CNTN6: variants seen among roughly 807,000 people sequenced by gnomAD.
The protein encoded by CNTN6 is contactin 6.
Under a neutral mutation model 122.8 loss-of-function variants are expected in CNTN6, and 137 were observed. The ratio of observed to expected loss-of-function variants is 1.12; its 90% confidence interval spans 0.97 to 1.29. The LOEUF (loss-of-function observed/expected upper bound fraction) is 1.29. CNTN6 is among the 50% of genes most tolerant of loss of function. The pLI, the probability that CNTN6 is intolerant of heterozygous loss-of-function variation, is 0.00. For synonymous variants in CNTN6, 570 were observed against 426.0 expected (o/e 1.34, Z -4.16); for missense variants, 1,634 against 1,223.4 (o/e 1.34, Z -5.01).
At chr3:1,399,022 C>T (rs961713068) in intron 20 of CNTN6, among the ~76,000 whole-genome samples, 1 of 152,062 alleles carries the variant, frequency 6.6e-6, no homozygotes, top group African/African-American at 2.4e-5. Context: ...ATTCTGTCTC[C>T]TAGCCAGTTG....
chr3:1,157,691 C>T lies in CNTN6; in HGVS notation c.55+9628C>T, dbSNP rs548346836. Among the ~76,000 whole-genome samples the T allele has an allele frequency of 1.1e-4, 17 of 152,042 alleles. No homozygotes were observed. In the East Asian group the frequency reaches 3.1e-3, roughly 28 times the overall value. ...AGCCTCTAGTAACCATCCTTCTACTCTCTATCTCCATGAGTTCAATTGTTT... is the reference window on the plus strand; with the variant it reads ...AGCCTCTAGTAACCATCCTTCTACTTTCTATCTCCATGAGTTCAATTGTTT... On this transcript the variant is annotated intron_variant, in intron 2 of 22. Transcript: ENST00000446702.
Position 1,352,417 on chromosome 3 carries a change from C to A in CNTN6, c.1458C>A (p.Gly486=), listed in dbSNP as rs771381392. 2 of 1,609,298 alleles carry A rather than the reference C, an allele frequency of 1.2e-6. No individual in the cohort carries two copies. Among genetic ancestry groups the A allele is most frequent in the African/African-American group, 2.7e-5 (2 of 74,572 alleles). The change falls in exon 12 of 23, where the codon GGC becomes GGA. Residue 486 remains glycine (G), a synonymous_variant. Transcript: ENST00000446702. ...SYTCIATNQF[G]TAKNTGSLIV... Reference sequence around the variant, plus strand: ...CATGCATAGCCACAAATCAGTTTGGCACTGCAAAGAACACTGGCAGCCTCA... The same window carrying A: ...CATGCATAGCCACAAATCAGTTTGGAACTGCAAAGAACACTGGCAGCCTCA...
intron 2 of CNTN6, among the ~76,000 whole-genome samples, chr3:1,190,836 G>T (rs2093691501): frequency 6.6e-6 from 1 of 152,124 alleles, no homozygotes; most frequent in South Asian, 2.1e-4. Flanking sequence ...CAGCCTCTGA[G>T]ATTAGTTTTC....
At chr3:1,257,011 A>G (rs1260569672) in intron 4 of CNTN6, among the ~76,000 whole-genome samples, 1 of 152,142 alleles carries the variant, frequency 6.6e-6, no homozygotes. Context: ...GCACCACCCG[A>G]ATATGCTATT....
chr3:1,256,975 G>A (rs9864679), intron 4 of CNTN6, among the ~76,000 whole-genome samples: 2,828 of 152,166 alleles, frequency 0.019, 89 homozygotes, highest in African/African-American at 0.063. Context: ...TTTGAAAAAT[G>A]GTTATGCCAA....
At chr3:1,123,482 T>A (rs1319436978) in intron 1 of CNTN6, among the ~76,000 whole-genome samples, 4 of 150,052 alleles carry the variant, frequency 2.7e-5, no homozygotes, top group Non-Finnish European at 6.0e-5. Flanking sequence ...CTAATTTTTG[T>A]CCTTATTTTT....
chr3:1,162,695 T>A (rs919164840), intron 2 of CNTN6, among the ~76,000 whole-genome samples: 4 of 152,244 alleles, frequency 2.6e-5, no homozygotes, highest in Admixed American at 6.5e-5. Context: ...ATGACATAGC[T>A]GTGGAAGCCG....
intron 20 of CNTN6, among the ~76,000 whole-genome samples, chr3:1,387,686 C>T (rs143599468): frequency 0.018 from 2,686 of 152,182 alleles, 61 homozygotes; most frequent in African/African-American, 0.061. Context: ...AGACAGTGGG[C>T]GCAGGTCAGT....
intron 1 of CNTN6, among the ~76,000 whole-genome samples, chr3:1,098,789 C>CACATATATATATATATATATATAT (rs1211008614): frequency 2.4e-4 from 15 of 63,242 alleles, no homozygotes; most frequent in East Asian, 6.5e-4. Context: ...CACACACACA[C>CACATATATATATATATATATATAT]ATATATATAT....
At chr3:1,271,351 G>T (rs1464905072) in intron 4 of CNTN6, among the ~76,000 whole-genome samples, 1 of 152,180 alleles carries the variant, frequency 6.6e-6, no homozygotes, top group Non-Finnish European at 1.5e-5. Flanking sequence ...ATTGTAGTAG[G>T]GAAGTTATAG....
intron 1 of CNTN6, among the ~76,000 whole-genome samples, chr3:1,102,108 G>T (rs1169169506): frequency 6.6e-6 from 1 of 152,168 alleles, no homozygotes; most frequent in Non-Finnish European, 1.5e-5. Flanking sequence ...ATTCATGCAT[G>T]TAAGAGGCCA....
intron 4 of CNTN6, among the ~76,000 whole-genome samples, chr3:1,230,226 T>C (rs1355838866): frequency 1.3e-5 from 2 of 152,154 alleles, no homozygotes; most frequent in Non-Finnish European, 2.9e-5. Flanking sequence ...CAGAGAGGTG[T>C]GAGTTCAAAT....
At chr3:1,125,404 C>T (rs2092124192) in intron 1 of CNTN6, among the ~76,000 whole-genome samples, 1 of 151,760 alleles carries the variant, frequency 6.6e-6, no homozygotes, top group Non-Finnish European at 1.5e-5. Context: ...TCATTTTAGC[C>T]TTTTACATCA....
intron 1 of CNTN6, among the ~76,000 whole-genome samples, chr3:1,138,559 G>A (rs1263459370): frequency 1.3e-5 from 2 of 151,920 alleles, no homozygotes; most frequent in Non-Finnish European, 2.9e-5. Context: ...CAAAACAGAA[G>A]AGAAAGAAAC....
intron 11 of CNTN6, among the ~76,000 whole-genome samples, chr3:1,339,480 G>T (rs1453596205): frequency 6.6e-6 from 1 of 152,142 alleles, no homozygotes; most frequent in African/African-American, 2.4e-5. Flanking sequence ...CAAGCCCACA[G>T]CTCCGGTGCA....
chr3:1,372,939 C>T lies in CNTN6; in HGVS notation c.1770C>T (p.Ala590=), dbSNP rs151334132. Residue 590 remains alanine (A), a synonymous_variant, in exon 14 of 23, where the codon GCC becomes GCT. Coordinates refer to ENST00000446702, the MANE Select transcript of CNTN6 (RefSeq NM_001289080.2). ...QTTLESLSAV[A]DIIVRGPPGP... is the part of the protein sequence containing the mutation. ...CCCTAGAAAGTTTATCTGCAGTAGC[C>T]GATATCATTGTTAGAGGTAAGCATA... 84 of 1,573,970 alleles carry T rather than the reference C, an allele frequency of 5.3e-5. No homozygotes were observed. In the African/African-American group the frequency reaches 9.2e-4, roughly 17 times the overall value.
At chr3:1,262,792 A>T (rs1336758164) in intron 4 of CNTN6, among the ~76,000 whole-genome samples, 1 of 152,176 alleles carries the variant, frequency 6.6e-6, no homozygotes, top group East Asian at 1.9e-4. Flanking sequence ...TCATGTGTAA[A>T]ATATATGTAA....
chr3:1,286,588 T>C lies in CNTN6; in HGVS notation c.454+8080T>C, dbSNP rs1694381981. 3.3e-5 allele frequency among the ~76,000 whole-genome samples: 5 copies of C among 152,254 alleles called. No homozygotes were observed. In the South Asian group the frequency reaches 1.0e-3, roughly 32 times the overall value. On this transcript the variant is annotated intron_variant, in intron 5 of 22. Coordinates refer to ENST00000446702, the MANE Select transcript of CNTN6 (RefSeq NM_001289080.2). Reference sequence around the variant, plus strand: ...TATATGTGCCACATTTTAAAGAAAATGTGACAGTCTATCATTGATAGATAG... The same window carrying C: ...TATATGTGCCACATTTTAAAGAAAACGTGACAGTCTATCATTGATAGATAG...
intron 1 of CNTN6, among the ~76,000 whole-genome samples, chr3:1,131,403 G>C (rs969691379): frequency 8.7e-6 from 1 of 114,446 alleles, no homozygotes; most frequent in Non-Finnish European, 1.8e-5. Flanking sequence ...TCATTCAAAG[G>C]CTGCTTAGGG....
Sources: gnomAD v4.1 joint callset for allele counts (sites outside exome capture counted in the v4.1 genomes callset) on GRCh38, gnomAD v4.1.1 for gene constraint, MANE v1.5 for transcripts, NCBI Gene and HGNC (gene_info 2026-07-23, HGNC 2026-07-21) for gene names.